ATF7IP: variants seen among roughly 807,000 people sequenced by gnomAD.
ATF7IP encodes the protein activating transcription factor 7-interacting protein 1.
In ATF7IP, 23 loss-of-function variants were observed where a neutral mutation model predicts 106.4. That is an observed-to-expected ratio of 0.22 (90% CI 0.16 to 0.31). The LOEUF is 0.31. ATF7IP is among the 10% of genes least tolerant of loss of function. ATF7IP has a pLI of 1.00. For missense variants in ATF7IP, 1,334 were observed against 1,524.3 expected (o/e 0.88, Z 2.08); for synonymous variants, 542 against 539.0 (o/e 1.01, Z -0.08).
chr12:14,472,113 G>A (rs1385544721), intron 10 of ATF7IP, among the ~76,000 whole-genome samples: 1 of 121,198 alleles, frequency 8.3e-6, no homozygotes, highest in African/African-American at 2.6e-5. Context: ...TAGCCTTATA[G>A]TGTAGTATTT....
In ATF7IP at chr12:14,495,011, A is replaced by C. The variant is rs1359209378; in HGVS notation, c.3281-1220A>C. On this transcript the variant is annotated intron_variant, in intron 13 of 14. Transcript: ENST00000261168. ...GAGCAAGGAAGCCAGTCTGAGTCCC[A>C]AAACTGAAGAACTTGGAGGCCAATG... 3.3e-5 allele frequency among the ~76,000 whole-genome samples: 5 copies of C among 152,076 alleles called. 1 individual carries two copies. The highest frequency in any genetic ancestry group is 7.4e-5 in the Non-Finnish European group (5 of 68,006).
At chr12:14,480,822 ATAT>A (rs1426496525) in intron 12 of ATF7IP, among the ~76,000 whole-genome samples, 178 bp from the exon 13 acceptor site, 3 of 152,160 alleles carry the variant, frequency 2.0e-5, no homozygotes, top group Non-Finnish European at 4.4e-5. Context: ...TTGGATTTTA[ATAT>A]TATTAATGTT....
Position 14,424,307 on chromosome 12 carries a change from C to T in ATF7IP, c.392C>T (p.Ser131Phe). 3 of 1,614,232 alleles carry T rather than the reference C, an allele frequency of 1.9e-6. No homozygotes were observed. The highest frequency in any genetic ancestry group is 1.3e-5 in the African/African-American group (1 of 75,058). Residue 131 changes from serine (S) to phenylalanine (F), a missense_variant, in exon 2 of 15, where the codon TCT becomes TTT. By Grantham distance (155) the Ser-to-Phe change is radical (BLOSUM62 -2). Transcript: ENST00000261168. ...TCTAAACTGCCTGCTGAACCAGTTT[C>T]TGGTGATCCAGCCCCTGGTGATCTG... ...PVSKLPAEPV[S>F]GDPAPGDLDA...
intron 1 of ATF7IP, among the ~76,000 whole-genome samples, chr12:14,376,298 A>G (rs1383928183): frequency 1.3e-5 from 2 of 152,228 alleles, no homozygotes; most frequent in Non-Finnish European, 1.5e-5. Flanking sequence ...GAGACAAAGT[A>G]TCATTTTTCA....
At chr12:14,475,779 G>C (rs1179509293) in intron 10 of ATF7IP, 111 bp from the exon 11 acceptor site, 2 of 746,108 alleles carry the variant, frequency 2.7e-6, no homozygotes, top group Admixed American at 6.0e-5. Flanking sequence ...TAAGGGTCCA[G>C]ATTGAACCAG....
At chr12:14,482,299 A>C (rs1255680415) in intron 13 of ATF7IP, 2 of 154,528 alleles carry the variant, frequency 1.3e-5, no homozygotes, top group Non-Finnish European at 2.9e-5. Context: ...CAGGATAAAT[A>C]GATATATAAA....
chr12:14,492,525 G>A (rs546889345), intron 13 of ATF7IP, among the ~76,000 whole-genome samples: 38 of 151,006 alleles, frequency 2.5e-4, no homozygotes, highest in African/African-American at 9.2e-4. Flanking sequence ...TTGATTGAGG[G>A]GTCATCATTC....
chr12:14,469,243 C>CCAGCT (rs1215556179), intron 10 of ATF7IP, among the ~76,000 whole-genome samples: 2 of 151,554 alleles, frequency 1.3e-5, no homozygotes, highest in Non-Finnish European at 2.9e-5. Context: ...GCTTGTAATC[C>CCAGCT]CAGCTACTTG....
chr12:14,381,271 G>A (rs1416728539), intron 1 of ATF7IP, among the ~76,000 whole-genome samples: 5 of 152,054 alleles, frequency 3.3e-5, no homozygotes, highest in Admixed American at 2.0e-4. Context: ...TCATTCGGTC[G>A]CCTAGGCTGG....
intron 6 of ATF7IP, among the ~76,000 whole-genome samples, chr12:14,451,549 T>C (rs1943203330): frequency 6.6e-6 from 1 of 152,146 alleles, no homozygotes; most frequent in African/African-American, 2.4e-5. Context: ...GCATACAATT[T>C]ATTATATTTT....
At chr12:14,391,241 G>C (rs1401022551) in intron 1 of ATF7IP, among the ~76,000 whole-genome samples, 1 of 152,176 alleles carries the variant, frequency 6.6e-6, no homozygotes, top group African/African-American at 2.4e-5. Flanking sequence ...AATTGATTTA[G>C]CAAATCTTCA....
At chr12:14,367,800 C>CT (rs940868605) in intron 1 of ATF7IP, among the ~76,000 whole-genome samples, 7 of 152,038 alleles carry the variant, frequency 4.6e-5, no homozygotes, top group African/African-American at 1.7e-4. Context: ...ATCATGTAAA[C>CT]TTAATAAGAT....
intron 5 of ATF7IP, among the ~76,000 whole-genome samples, chr12:14,444,059 C>G (rs1373242039): frequency 6.6e-6 from 1 of 152,078 alleles, no homozygotes; most frequent in African/African-American, 2.4e-5. Context: ...TGATTCCTCT[C>G]AAATCACAGT....
In ATF7IP at chr12:14,461,016, C is replaced by A. The variant is rs1357370380; in HGVS notation, c.2680C>A (p.Pro894Thr). The stretch of plus-strand genomic sequence containing the variant: ...AAGGACTTCTTTACCCACAGTGGGC[C>A]CATCAGGACTCTATAGTCCATCAAC... ...ATRTSLPTVGPSGLYSPSTNR... is the reference protein window; with the variant it reads ...ATRTSLPTVGTSGLYSPSTNR... The change falls in exon 9 of 15, where the codon CCA becomes ACA. Residue 894 changes from proline (P) to threonine (T), a missense_variant. Physicochemically the swap from Pro to Thr is conservative, Grantham distance 38. This residue lies in a region of ATF7IP where 370 missense variants were observed against 401.2 expected (regional missense o/e 0.92). Transcript: ENST00000261168. 3.7e-6 allele frequency: 6 copies of A among 1,613,960 alleles called. No individual in the cohort carries two copies. The highest frequency in any genetic ancestry group is 1.3e-5 in the African/African-American group (1 of 74,892).
chr12:14,402,118 T>C (rs146108782), intron 1 of ATF7IP, among the ~76,000 whole-genome samples: 2,210 of 141,424 alleles, frequency 0.016, 21 homozygotes, highest in Admixed American at 0.02. Context: ...TTCTTTTCTT[T>C]TCTTCTTTCT....
At chr12:14,458,108 A>T (rs1257724563) in intron 8 of ATF7IP, among the ~76,000 whole-genome samples, 4 of 148,892 alleles carry the variant, frequency 2.7e-5, no homozygotes, top group African/African-American at 1.0e-4. Flanking sequence ...AAAAAAAAAT[A>T]ATAAATAATA....
intron 4 of ATF7IP, among the ~76,000 whole-genome samples, chr12:14,437,585 G>A (rs548585812): frequency 2.3e-4 from 35 of 152,136 alleles, no homozygotes; most frequent in African/African-American, 6.7e-4. Flanking sequence ...ATGAGAATAT[G>A]GAACTTTTTA....
At chr12:14,478,737 T>C (rs1015829010) in intron 12 of ATF7IP, among the ~76,000 whole-genome samples, 4 of 152,184 alleles carry the variant, frequency 2.6e-5, no homozygotes, top group Non-Finnish European at 5.9e-5. Flanking sequence ...TTAAAAAGCA[T>C]TCACATCCAA....
chr12:14,410,786 A>G (rs1022516452), intron 1 of ATF7IP, among the ~76,000 whole-genome samples: 8 of 152,164 alleles, frequency 5.3e-5, no homozygotes, highest in Admixed American at 3.9e-4. Context: ...CATAGTATAT[A>G]TAAGGTTCAG....
Sources: gnomAD v4.1 joint callset for allele counts (sites outside exome capture counted in the v4.1 genomes callset) on GRCh38, gnomAD v4.1.1 for gene constraint, gnomAD v4.1.1 regional missense constraint, MANE v1.5 for transcripts, NCBI Gene and HGNC (gene_info 2026-07-23, HGNC 2026-07-21) for gene names.